Variants in GRHL1 observed in about 807,000 individuals in gnomAD.
GRHL1 encodes the protein grainyhead like transcription factor 1.
Under a neutral mutation model 75.7 loss-of-function variants are expected in GRHL1, and 38 were observed. The ratio of observed to expected loss-of-function variants is 0.50; its 90% CI spans 0.39 to 0.66. GRHL1 has a LOEUF of 0.66. Among genes scored for constraint, GRHL1 ranks in the 30% least tolerant of loss-of-function variants. The probability of loss-of-function intolerance (pLI) is 0.00; values close to 1 mark genes in which losing one functional copy is unlikely to be tolerated. For missense variants in GRHL1, 589 were observed against 767.5 expected (o/e 0.77, Z 2.75); for synonymous variants, 266 against 279.4 (o/e 0.95, Z 0.48).
intron 8 of GRHL1, among the ~76,000 whole-genome samples, chr2:9,970,164 T>C (rs889116739): frequency 1.3e-5 from 2 of 152,228 alleles, no homozygotes; most frequent in Non-Finnish European, 2.9e-5. Flanking sequence ...TTTTAAAGGA[T>C]GTAATGAATC....
intron 8 of GRHL1, among the ~76,000 whole-genome samples, chr2:9,966,878 A>G (rs143061855): frequency 1.3e-5 from 2 of 152,332 alleles, no homozygotes; most frequent in African/African-American, 4.8e-5. Context: ...CCTCAGTCAC[A>G]TACAATTGTC....
At chr2:9,976,940 C>T (rs1172716095) in intron 8 of GRHL1, among the ~76,000 whole-genome samples, 2 of 152,130 alleles carry the variant, frequency 1.3e-5, no homozygotes, top group African/African-American at 4.8e-5. Flanking sequence ...TTCACATAGA[C>T]TGTGGTAAGC....
chr2:9,981,773 C>A (rs1001434667), intron 8 of GRHL1, among the ~76,000 whole-genome samples: 1 of 152,182 alleles, frequency 6.6e-6, no homozygotes, highest in African/African-American at 2.4e-5. Flanking sequence ...TAAAAGCATG[C>A]AATAAGCATA....
rs1668473679 is a variant in GRHL1, at chr2:9,987,498, TCA to T, written c.1269+1219_1269+1220del. On this transcript the variant is annotated intron_variant, in intron 9 of 15. Coordinates refer to ENST00000324907, the MANE Select transcript of GRHL1 (RefSeq NM_198182.3). This position sits in a 1 kb window ranked among gnomAD's most constrained non-coding sequence, Gnocchi z 4.2. ...CCTTAGCTGTGTCCGAGTGGCTGAA[TCA>T]CAAAGTGCTGTGCCTTCACAGCCCT... Among the ~76,000 whole-genome samples, 1 of 152,150 alleles carries T rather than the reference TCA, an allele frequency of 6.6e-6. No individual in the cohort carries two copies. The highest frequency in any genetic ancestry group is 6.5e-5 in the Admixed American group (1 of 15,286).
chr2:9,963,831 T>G, intron 5 of GRHL1, 55 bp from the exon 6 acceptor site: 2 of 1,271,444 alleles, frequency 1.6e-6, no homozygotes, highest in Non-Finnish European at 2.2e-6. Context: ...ATATGATGTA[T>G]AGCAAGCTTC....
intron 8 of GRHL1, among the ~76,000 whole-genome samples, chr2:9,972,849 G>A (rs1454554831): frequency 2.0e-5 from 3 of 152,190 alleles, no homozygotes; most frequent in Admixed American, 6.5e-5. Context: ...GGGGAGAACC[G>A]TGTGCAGGTA....
intron 8 of GRHL1, among the ~76,000 whole-genome samples, chr2:9,969,638 A>G (rs1261075534): frequency 6.6e-6 from 1 of 152,158 alleles, no homozygotes; most frequent in Admixed American, 6.5e-5. Flanking sequence ...CTGTATTGGA[A>G]TCCAGTGAAA....
At position 9,963,989 on chromosome 2, in the gene GRHL1, T is replaced by C. The variant is rs756430311; in HGVS notation, c.850T>C (p.Leu284=). ...LNKGQFYPIT[L]KEVSSSEGIH... is the part of the protein sequence containing the mutation. ...CAAAGGCCAGTTCTATCCCATCACC[T>C]TGAAGGAGGTGAGCAGCAGTGAAGG... Residue 284 remains leucine, a synonymous_variant, in exon 6 of 16, where the codon TTG becomes CTG. Coordinates refer to ENST00000324907, the MANE Select transcript of GRHL1 (RefSeq NM_198182.3). 1.9e-6 allele frequency: 3 copies of C among 1,613,782 alleles called. No homozygotes were observed. The South Asian group carries it at 3.3e-5, about 18-fold the overall frequency.
intron 8 of GRHL1, among the ~76,000 whole-genome samples, chr2:9,970,310 T>C (rs2116015): frequency 0.39 from 59,421 of 152,220 alleles, 13,363 homozygotes; most frequent in African/African-American, 0.62. Flanking sequence ...GCCAGACACG[T>C]GCCAAGCTCC....
At chr2:9,996,028 A>G in intron 13 of GRHL1, 58 bp downstream of exon 13, 2 of 1,074,226 alleles carry the variant, frequency 1.9e-6, no homozygotes, top group Non-Finnish European at 2.9e-6. Flanking sequence ...TTCAGAATCT[A>G]TCAAAAGCAT....
At chr2:9,982,627 G>C (rs560944877) in intron 8 of GRHL1, among the ~76,000 whole-genome samples, 1 of 152,164 alleles carries the variant, frequency 6.6e-6, no homozygotes. Context: ...CTGAGTTTTC[G>C]GATTCAGTGA....
intron 8 of GRHL1, among the ~76,000 whole-genome samples, chr2:9,985,895 G>C (rs1221976341): frequency 2.0e-5 from 3 of 152,196 alleles, no homozygotes; most frequent in African/African-American, 7.2e-5. Flanking sequence ...CAGAGGTTCA[G>C]AGCTGCCGAC....
In GRHL1 at chr2:9,968,326, T is replaced by C. The variant is rs1667573272; in HGVS notation, c.1110+2945T>C. Among the ~76,000 whole-genome samples the C allele has an allele frequency of 6.6e-6, 1 of 152,236 alleles. No individual in the cohort carries two copies. The highest frequency in any genetic ancestry group is 1.9e-4 in the East Asian group (1 of 5,202). ...GAAAATTTGTTCGTTTTCAAAGTGG[T>C]GGAAGAGAAGGAAGTTGCTTTTTGA... is the stretch of plus-strand genomic sequence containing the variant. On this transcript the variant is annotated intron_variant, in intron 8 of 15. Transcript: ENST00000324907. The surrounding 1 kb of genome is among the most constrained non-coding windows in gnomAD (Gnocchi z 4.7).
rs560559004 is a variant in GRHL1 at position 10,002,157 on chromosome 2, T to C, written c.*1450T>C. The C allele has an allele frequency of 3.3e-5, 5 of 152,770 alleles. No homozygotes were observed. The highest frequency in any genetic ancestry group is 1.2e-4 in the African/African-American group (5 of 41,580). 9.5% of individuals were successfully genotyped at this position (152,770 alleles called of 1,614,324 possible). On this transcript the variant is annotated 3_prime_UTR_variant, in exon 16 of 16. Transcript: ENST00000324907. ...GTTTTCTAAGATAAGATATGGGATATGGGTCATATAACTTTTGTATTTTTT... is the reference window on the plus strand; with the variant it reads ...GTTTTCTAAGATAAGATATGGGATACGGGTCATATAACTTTTGTATTTTTT...
At position 9,994,838 on chromosome 2, in the gene GRHL1, GT is replaced by G. The variant is rs142286728; in HGVS notation, c.1500-1036del. 5.2e-3 allele frequency among the ~76,000 whole-genome samples: 799 copies of G among 152,270 alleles called. 4 individuals are homozygous for G. The highest frequency in any genetic ancestry group is 0.018 in the African/African-American group (752 of 41,552). On this transcript the variant is annotated intron_variant, in intron 12 of 15. Transcript: ENST00000324907. ...GTAGCCAGGCGTTCGTTCGATCTGA[GT>G]TTTTCTCTCCTCAGACTCTCCTTGG...
Position 10,000,588 on chromosome 2 carries a change from TC to T in GRHL1, c.1743-3del. 6.3e-7 allele frequency: 1 copy of T among 1,581,720 alleles called. No individual in the cohort carries two copies. Among genetic ancestry groups the T allele is most frequent in the Non-Finnish European group, 8.7e-7 (1 of 1,151,344 alleles). ...AGTTGGTTGGTCTTGTCCCCCCCCATCCAGGATCCTGGTGAACATGGACGAC... is the reference window on the plus strand; with the variant it reads ...AGTTGGTTGGTCTTGTCCCCCCCCATCAGGATCCTGGTGAACATGGACGAC... On this transcript the variant is annotated splice_polypyrimidine_tract_variant and splice_region_variant and intron_variant, in intron 15 of 15. Transcript: ENST00000324907.
intron 10 of GRHL1, among the ~76,000 whole-genome samples, chr2:9,991,259 C>T (rs1490843538): frequency 6.6e-6 from 1 of 151,930 alleles, no homozygotes; most frequent in African/African-American, 2.4e-5. Flanking sequence ...GACCAGTATT[C>T]ATATTCACAA....
intron 14 of GRHL1, among the ~76,000 whole-genome samples, chr2:9,998,456 A>G (rs1336435232): frequency 9.8e-5 from 4 of 40,728 alleles, no homozygotes; most frequent in African/African-American, 3.2e-4. Flanking sequence ...GTGTATATAT[A>G]TACATATATA....
At chr2:9,955,198 G>T (rs147367679) in intron 2 of GRHL1, 97 bp downstream of exon 2, 23 of 780,618 alleles carry the variant, frequency 2.9e-5, no homozygotes, top group Non-Finnish European at 4.5e-5. Context: ...TGCCATGCAA[G>T]TTGCTTCTGT....
Sources: allele counts gnomAD v4.1 joint callset (sites outside exome capture counted in the v4.1 genomes callset), GRCh38; gene constraint gnomAD v4.1.1; non-coding constraint Gnocchi (gnomAD v3.1); transcripts MANE v1.5; gene names NCBI Gene and HGNC (gene_info 2026-07-23, HGNC 2026-07-21).